The following PRKCE variants were observed in gnomAD, a reference collection of about 807,000 sequenced individuals.
PRKCE encodes protein kinase C epsilon, also known as protein kinase C epsilon type.
PRKCE carries 16 observed loss-of-function variants against 85.4 expected under a neutral mutation model. That is an observed-to-expected ratio of 0.19 (90% CI 0.13 to 0.28). PRKCE has a LOEUF of 0.28. Ranked by LOEUF, PRKCE falls within the 10% of genes least tolerant of loss-of-function variation. PRKCE has a pLI of 1.00. For missense variants in PRKCE, 573 were observed against 975.2 expected, an observed-to-expected ratio of 0.59 and a Z score of 5.49; for synonymous variants, 388 against 371.5, an observed-to-expected ratio of 1.04 and a Z score of -0.51.
intron 10 of PRKCE, among the ~76,000 whole-genome samples, chr2:46,047,005 G>C (rs1050103219): frequency 6.6e-6 from 1 of 152,206 alleles, no homozygotes; most frequent in African/African-American, 2.4e-5. Flanking sequence ...GGAAGGCCAT[G>C]ATCAGCCTGC....
chr2:45,741,949 C>T (rs1682614435), intron 1 of PRKCE, among the ~76,000 whole-genome samples: 1 of 152,186 alleles, frequency 6.6e-6, no homozygotes, highest in Non-Finnish European at 1.5e-5. Flanking sequence ...GGGCACTTGA[C>T]TGTGTGTCCT....
In PRKCE at chr2:46,004,230, T is replaced by C; in HGVS notation, c.967-312T>C. The C allele has an allele frequency of 2.8e-6, 1 of 354,108 alleles. No individual in the cohort carries two copies. The highest frequency in any genetic ancestry group is 5.5e-6 in the Non-Finnish European group (1 of 181,754). 21.9% of individuals were successfully genotyped at this position (354,108 alleles called of 1,614,324 possible). On this transcript the variant is annotated intron_variant, in intron 7 of 14. Coordinates refer to ENST00000306156, the MANE Select transcript of PRKCE (RefSeq NM_005400.3). This position sits in a 1 kb window ranked among gnomAD's most constrained non-coding sequence, Gnocchi z 4.1. ...CACAACCCGAACTACTTCATCCTTT[T>C]GGATGGGGTTGGATCAAACATTGTA...
chr2:45,985,993 A>T (rs1703293668), intron 6 of PRKCE, among the ~76,000 whole-genome samples: 1 of 152,264 alleles, frequency 6.6e-6, no homozygotes, highest in Non-Finnish European at 1.5e-5. Flanking sequence ...TTGAGTATGA[A>T]GAGAAAAAAG....
At chr2:45,885,335 CT>C (rs925861325) in intron 2 of PRKCE, among the ~76,000 whole-genome samples, 2 of 151,772 alleles carry the variant, frequency 1.3e-5, no homozygotes, top group East Asian at 1.9e-4. Flanking sequence ...ACAAAGCTTC[CT>C]TTTTTTTATC....
At chr2:46,094,107 C>G (rs560083192) in intron 11 of PRKCE, among the ~76,000 whole-genome samples, 1 of 152,126 alleles carries the variant, frequency 6.6e-6, no homozygotes. Context: ...ATTTCATATT[C>G]TTGGATACAT....
At chr2:46,116,916 G>A (rs1672830929) in intron 11 of PRKCE, among the ~76,000 whole-genome samples, 1 of 152,196 alleles carries the variant, frequency 6.6e-6, no homozygotes, top group East Asian at 1.9e-4. Flanking sequence ...AGAATCTAAA[G>A]AATTGCAGGG....
At chr2:45,738,734 G>A (rs548521199) in intron 1 of PRKCE, among the ~76,000 whole-genome samples, 1 of 152,252 alleles carries the variant, frequency 6.6e-6, no homozygotes, top group Admixed American at 6.5e-5. Context: ...TGGCCTAAGT[G>A]TTTTGCTTTT....
Position 45,774,352 on chromosome 2 carries a change from G to T in PRKCE, c.349-68648G>T, listed in dbSNP as rs1159250771. Reference sequence around the variant, plus strand: ...GCTCCCAGCCTTCCACTGTGGAAGTGCTCACTAAATAGGTGTTGAACGGAG... The same window carrying T: ...GCTCCCAGCCTTCCACTGTGGAAGTTCTCACTAAATAGGTGTTGAACGGAG... On this transcript the variant is annotated intron_variant, in intron 1 of 14. Transcript: ENST00000306156. The surrounding 1 kb of genome is among the most constrained non-coding windows in gnomAD (Gnocchi z 4.3). Among the ~76,000 whole-genome samples, 1 of 152,208 alleles carries T rather than the reference G, an allele frequency of 6.6e-6. No individual in the cohort carries two copies. The highest frequency in any genetic ancestry group is 1.5e-5 in the Non-Finnish European group (1 of 68,036).
intron 11 of PRKCE, among the ~76,000 whole-genome samples, chr2:46,094,386 C>A (rs1185927107): frequency 6.6e-6 from 1 of 152,136 alleles, no homozygotes. Flanking sequence ...CTAAAATCAT[C>A]TTTATTTTAC....
intron 5 of PRKCE, among the ~76,000 whole-genome samples, chr2:45,981,116 G>C (rs1702857261): frequency 6.6e-6 from 1 of 152,182 alleles, no homozygotes; most frequent in Non-Finnish European, 1.5e-5. Context: ...TAGAGGTAAG[G>C]AAGCAGGAAA....
chr2:45,710,657 G>A (rs892708242), intron 1 of PRKCE, among the ~76,000 whole-genome samples: 1 of 152,228 alleles, frequency 6.6e-6, no homozygotes, highest in African/African-American at 2.4e-5. Flanking sequence ...CTCCAGCATG[G>A]CCCAGAGTAT....
At chr2:45,714,981 C>G (rs548240234) in intron 1 of PRKCE, among the ~76,000 whole-genome samples, 1 of 152,176 alleles carries the variant, frequency 6.6e-6, no homozygotes. Context: ...TTCAGGTTTC[C>G]GGCATCTGCA....
At chr2:45,976,223 C>G (rs780231261) in intron 2 of PRKCE, among the ~76,000 whole-genome samples, 5 of 152,214 alleles carry the variant, frequency 3.3e-5, no homozygotes, top group Non-Finnish European at 7.3e-5. Context: ...TAGGCACACT[C>G]TGGGCCTTTC....
At chr2:45,830,771 T>C (rs1473687545) in intron 1 of PRKCE, among the ~76,000 whole-genome samples, 1 of 152,234 alleles carries the variant, frequency 6.6e-6, no homozygotes, top group African/African-American at 2.4e-5. Context: ...CAGAGTCCAT[T>C]GACAATATTG....
chr2:45,857,099 C>G (rs886355393), intron 2 of PRKCE, among the ~76,000 whole-genome samples: 1 of 152,134 alleles, frequency 6.6e-6, no homozygotes, highest in African/African-American at 2.4e-5. Context: ...TATGGTAGTT[C>G]TATTTTAATT....
chr2:45,863,065 G>A (rs931128031), intron 2 of PRKCE, among the ~76,000 whole-genome samples: 2 of 152,208 alleles, frequency 1.3e-5, no homozygotes, highest in African/African-American at 4.8e-5. Context: ...TGAGGGACTG[G>A]GGGGTTGTGG....
In PRKCE at chr2:45,857,183, C is replaced by T. The variant is rs187787107; in HGVS notation, c.412+14120C>T. On this transcript the variant is annotated intron_variant, in intron 2 of 14. Coordinates refer to ENST00000306156, the MANE Select transcript of PRKCE (RefSeq NM_005400.3). ...GACCAACTGCTAGGTTTGTAGGCAG[C>T]TGGTTCCCTAAGTTGCACGTGATGC... Among the ~76,000 whole-genome samples the T allele has an allele frequency of 3.5e-4, 53 of 152,284 alleles. No individual in the cohort carries two copies. The East Asian group carries it at 6.9e-3, about 20-fold the overall frequency.
intron 1 of PRKCE, among the ~76,000 whole-genome samples, chr2:45,788,116 C>T (rs1345573330): frequency 6.6e-6 from 1 of 152,326 alleles, no homozygotes; most frequent in Admixed American, 6.5e-5. Flanking sequence ...CGAAACTTTT[C>T]CTGCCAAAGT....
chr2:46,099,564 CT>C (rs1671018529), intron 11 of PRKCE, among the ~76,000 whole-genome samples: 1 of 151,256 alleles, frequency 6.6e-6, no homozygotes, highest in African/African-American at 2.4e-5. Context: ...TTTTTCCTGG[CT>C]GTTAGTTATT....
Sources: allele counts gnomAD v4.1 joint callset (sites outside exome capture counted in the v4.1 genomes callset), GRCh38; gene constraint gnomAD v4.1.1; non-coding constraint Gnocchi (gnomAD v3.1); transcripts MANE v1.5; gene names NCBI Gene and HGNC (gene_info 2026-07-23, HGNC 2026-07-21).